AKNA: variants seen among roughly 807,000 people sequenced by gnomAD.
AKNA encodes the protein microtubule organization protein AKNA.
AKNA carries 67 observed loss-of-function variants against 138.8 expected under a neutral mutation model. The ratio of observed to expected loss-of-function variants is 0.48; its 90% CI spans 0.40 to 0.59. The LOEUF (loss-of-function observed/expected upper bound fraction) is 0.59, where lower values mean the gene tolerates loss of function less well. Ranked by LOEUF, AKNA falls within the 20% of genes least tolerant of loss-of-function variation. The pLI is 0.00. For missense variants in AKNA, 1,813 were observed against 1,880.4 expected, an observed-to-expected ratio of 0.96 and a Z score of 0.66; for synonymous variants, 737 against 754.4, an observed-to-expected ratio of 0.98 and a Z score of 0.38.
chr9:114,397,949 G>T (rs1450671471), upstream of AKNA, among the ~76,000 whole-genome samples: 1 of 152,118 alleles, frequency 6.6e-6, no homozygotes, highest in Non-Finnish European at 1.5e-5. Context: ...ATTGTTGCTG[G>T]GTGAACGAAT....
At chr9:114,331,512 C>G, downstream of AKNA, 1 of 1,414,492 alleles carries the variant, frequency 7.1e-7, no homozygotes, top group Non-Finnish European at 1.0e-6. Context: ...ACCTGTAAGA[C>G]AGGCACCATT....
Position 114,377,545 on chromosome 9 carries a change from G to T in AKNA, c.275-13C>A. 6.3e-7 allele frequency: 1 copy of T among 1,580,622 alleles called. No individual in the cohort carries two copies. On this transcript the variant is annotated splice_polypyrimidine_tract_variant and intron_variant, in intron 2 of 21. Coordinates refer to ENST00000374088, the MANE Select transcript of AKNA (RefSeq NM_001317950.2). ...TCTGCTTCAGCCTCTGGAAAGACAG[G>T]CCATTCACTTCTTAGCATATACCAG...
chr9:114,380,048 G>A (rs1166865693), intron 2 of AKNA, among the ~76,000 whole-genome samples: 1 of 152,042 alleles, frequency 6.6e-6, no homozygotes, highest in Admixed American at 6.6e-5. Flanking sequence ...CTCCTCGGGA[G>A]GCTGAGTTCT....
chr9:114,366,033 C>G (rs146876725), intron 6 of AKNA, among the ~76,000 whole-genome samples: 2 of 152,182 alleles, frequency 1.3e-5, no homozygotes, highest in Non-Finnish European at 2.9e-5. Context: ...AATCCCAGCA[C>G]TTTGGGAGGC....
At chr9:114,383,582 G>A (rs1187136221) in intron 1 of AKNA, among the ~76,000 whole-genome samples, 2 of 152,212 alleles carry the variant, frequency 1.3e-5, no homozygotes, top group Admixed American at 6.5e-5. Flanking sequence ...CAAGGCAGGG[G>A]TGAAAGTCAG....
At chr9:114,397,732 C>T (rs1834575290), upstream of AKNA, among the ~76,000 whole-genome samples, 1 of 152,188 alleles carries the variant, frequency 6.6e-6, no homozygotes, top group Non-Finnish European at 1.5e-5. Context: ...AGTCGCGCCC[C>T]CTCTCTGGAC....
rs1169211090 is a variant in AKNA at position 114,374,074 on chromosome 9, C to A, written c.1416+19G>T. The A allele has an allele frequency of 5.2e-6, 8 of 1,552,578 alleles. No homozygotes were observed. Among genetic ancestry groups the A allele is most frequent in the Middle Eastern group, 1.7e-4 (1 of 5,992 alleles). Reference sequence around the variant, plus strand: ...TCGGGGACTTGGGCCCATGCCTCCACCCCATCCCGGCCTGGTACCTTGGCC... The same window carrying A: ...TCGGGGACTTGGGCCCATGCCTCCAACCCATCCCGGCCTGGTACCTTGGCC... On this transcript the variant is annotated intron_variant, in intron 4 of 21. Coordinates refer to ENST00000374088, the MANE Select transcript of AKNA (RefSeq NM_001317950.2).
chr9:114,388,666 G>A (rs1016212294), upstream of AKNA, among the ~76,000 whole-genome samples: 14 of 152,150 alleles, frequency 9.2e-5, no homozygotes, highest in Non-Finnish European at 1.8e-4. Context: ...ATGGTCAGTC[G>A]AGCTATCTTT....
chr9:114,370,349 T>C (rs1190966105), intron 4 of AKNA, among the ~76,000 whole-genome samples: 3 of 152,198 alleles, frequency 2.0e-5, no homozygotes, highest in Non-Finnish European at 4.4e-5. Context: ...GGCCCAGCCC[T>C]CTGACATGTT....
chr9:114,367,391 G>T, intron 6 of AKNA, 152 bp downstream of exon 6: 1 of 906,968 alleles, frequency 1.1e-6, no homozygotes, highest in Non-Finnish European at 1.6e-6. Context: ...CCAGGGAGGG[G>T]CTCATGTTTT....
intron 1 of AKNA, among the ~76,000 whole-genome samples, chr9:114,386,822 A>G (rs1402727323): frequency 1.3e-5 from 2 of 151,848 alleles, no homozygotes; most frequent in African/African-American, 2.4e-5. Context: ...CCTTCCCTTT[A>G]TGGCTCAATC....
At chr9:114,357,857 A>G in intron 12 of AKNA, 64 bp downstream of exon 12, 1 of 1,571,944 alleles carries the variant, frequency 6.4e-7, no homozygotes, top group Middle Eastern at 2.2e-4. Context: ...CCAGAAGCAG[A>G]AAGTTGAGAA....
At position 114,335,969 on chromosome 9, in the gene AKNA, G is replaced by A. The variant is rs1436017202; in HGVS notation, c.*1085C>T. ...TTGAAAGATTTATGGTTCTGAGATA[G>A]GCAAAGGGGGAAAACTGGAGAAACA... On this transcript the variant is annotated 3_prime_UTR_variant, in exon 22 of 22. Transcript: ENST00000374088. 1 of 152,160 alleles carries A rather than the reference G, an allele frequency of 6.6e-6. No homozygotes were observed. The highest frequency in any genetic ancestry group is 2.4e-5 in the African/African-American group (1 of 41,412). The allele number at this position is 152,160 out of a possible 1,614,324, so 9.4% of individuals were successfully genotyped here. A position where few individuals can be genotyped will look rare whatever the true frequency, so the allele number is the denominator to read the frequency against.
Position 114,368,574 on chromosome 9 carries a change from G to T in AKNA, c.1438C>A (p.Pro480Thr). 7.2e-7 allele frequency: 1 copy of T among 1,396,452 alleles called. No individual in the cohort carries two copies. The highest frequency in any genetic ancestry group is 1.5e-5 in the African/African-American group (1 of 67,172). 86.5% of individuals were successfully genotyped at this position (1,396,452 alleles called of 1,614,324 possible). The stretch of plus-strand genomic sequence containing the variant: ...GTGTGGATGCTGTGGTTGGGCTGGG[G>T]TGGGTCAGAGAACAGGTTCACCTGT... ...GAKVNLFSDP[P>T]QPNHSIHTGM... Residue 480 changes from proline to threonine, a missense_variant, in exon 5 of 22, where the codon CCC (proline) becomes ACC (threonine). By Grantham distance (38) the Pro-to-Thr change is conservative. Coordinates refer to ENST00000374088, the MANE Select transcript of AKNA (RefSeq NM_001317950.2).
At chr9:114,354,023 C>T (rs538418021) in intron 14 of AKNA, among the ~76,000 whole-genome samples, 9 of 152,238 alleles carry the variant, frequency 5.9e-5, no homozygotes, top group African/African-American at 2.2e-4. Context: ...GTTTTTTCTT[C>T]AATAATTAAT....
chr9:114,393,698 T>C (rs1432371924), intron 1 of AKNA, among the ~76,000 whole-genome samples: 2 of 151,302 alleles, frequency 1.3e-5, no homozygotes, highest in African/African-American at 4.9e-5. Flanking sequence ...TATCAAATAA[T>C]GTAAAAATTT....
chr9:114,377,564 A>G lies in AKNA; in HGVS notation c.275-32T>C. On this transcript the variant is annotated intron_variant, in intron 2 of 21. Transcript: ENST00000374088. The stretch of plus-strand genomic sequence containing the variant: ...AGACAGGCCATTCACTTCTTAGCAT[A>G]TACCAGCTCTGCACCCACCTTGTAA... The G allele has an allele frequency of 1.9e-6, 3 of 1,552,194 alleles. No homozygotes were observed. In the South Asian group the frequency reaches 3.7e-5, roughly 19 times the overall value.
At chr9:114,359,322 G>T in intron 11 of AKNA, 1 of 587,058 alleles carries the variant, frequency 1.7e-6, no homozygotes, top group Non-Finnish European at 2.8e-6. Context: ...ACCTGCCTTG[G>T]CCTCCCTCAA....
intron 15 of AKNA, chr9:114,348,738 C>T (rs1830883238): frequency 2.5e-6 from 1 of 404,696 alleles, no homozygotes; most frequent in Middle Eastern, 8.4e-4. Context: ...GCAGACAATC[C>T]TACCCAGATA....
Sources: gnomAD v4.1 joint callset for allele counts (sites outside exome capture counted in the v4.1 genomes callset) on GRCh38, gnomAD v4.1.1 for gene constraint, MANE v1.5 for transcripts, NCBI Gene and HGNC (gene_info 2026-07-23, HGNC 2026-07-21) for gene names.